EXOC6B: variants seen among roughly 807,000 people sequenced by gnomAD.
EXOC6B encodes the protein exocyst complex component 6B.
In EXOC6B, 54 loss-of-function variants were observed where a neutral mutation model predicts 113.5. The observed-to-expected ratio is 0.48, with a 90% CI of 0.38 to 0.60. The LOEUF is 0.60. Ranked by LOEUF, EXOC6B falls within the 20% of genes least tolerant of loss-of-function variation. The pLI is 0.00. For missense variants in EXOC6B, 797 were observed against 977.5 expected (o/e 0.82, Z 2.46); for synonymous variants, 357 against 339.0 (o/e 1.05, Z -0.58).
At chr2:72,539,685 A>G (rs1054984158) in intron 8 of EXOC6B, among the ~76,000 whole-genome samples, 3 of 152,144 alleles carry the variant, frequency 2.0e-5, no homozygotes, top group Admixed American at 1.3e-4. Flanking sequence ...AAGAGAGTAT[A>G]AAAGAGCTTC....
At chr2:72,636,828 C>CA (rs769641389) in intron 6 of EXOC6B, among the ~76,000 whole-genome samples, 10 of 145,070 alleles carry the variant, frequency 6.9e-5, no homozygotes, top group Non-Finnish European at 1.2e-4. Context: ...GCAATGAGGC[C>CA]AAAAAAAAGA....
At chr2:72,647,999 C>G (rs10197127) in intron 6 of EXOC6B, among the ~76,000 whole-genome samples, 5,207 of 152,244 alleles carry the variant, frequency 0.034, 296 homozygotes, top group African/African-American at 0.12. Context: ...AGGAAACCTA[C>G]AGAATGGGAG....
intron 5 of EXOC6B, chr2:72,722,138 T>C (rs1369421537): frequency 3.3e-5 from 5 of 151,510 alleles, no homozygotes; most frequent in African/African-American, 9.7e-5. Context: ...CACACAAAAG[T>C]AGAGAGCAAA....
chr2:72,485,338 A>T (rs1368379826), intron 16 of EXOC6B, among the ~76,000 whole-genome samples: 1 of 152,254 alleles, frequency 6.6e-6, no homozygotes, highest in East Asian at 1.9e-4. Flanking sequence ...CAAAACAGAC[A>T]ATTCAGTACA....
chr2:72,238,283 A>G (rs531450536), intron 20 of EXOC6B, among the ~76,000 whole-genome samples: 1 of 152,282 alleles, frequency 6.6e-6, no homozygotes, highest in East Asian at 1.9e-4. Flanking sequence ...CATTGTATGA[A>G]TATTTTGTTT....
chr2:72,780,497 G>A (rs1373126851), intron 1 of EXOC6B, among the ~76,000 whole-genome samples: 1 of 152,104 alleles, frequency 6.6e-6, no homozygotes, highest in Non-Finnish European at 1.5e-5. Context: ...TGAAAAACCT[G>A]AAGTATTCTG....
In EXOC6B at chr2:72,189,860, C is replaced by CTTTTTTTTTTTTTTTT. The variant is rs57679690; in HGVS notation, c.2197-5689_2197-5674dup. Among the ~76,000 whole-genome samples the CTTTTTTTTTTTTTTTT allele has an allele frequency of 3.4e-4, 30 of 87,212 alleles. 1 individual carries two copies. The highest frequency in any genetic ancestry group is 1.2e-3 in the African/African-American group (19 of 15,346). The allele number at this position is 87,212 out of a possible 152,430, so 57.2% of individuals were successfully genotyped here. On this transcript the variant is annotated intron_variant, in intron 20 of 21. Transcript: ENST00000272427. ...TCTCTCTCTCTTTCTCCTTCTTCTTCTTTTTTTTTTTTTTTTTTTTGAGGC... is the reference window on the plus strand; with the variant it reads ...TCTCTCTCTCTTTCTCCTTCTTCTTCTTTTTTTTTTTTTTTTTTTTTTTTTTTTTTTTTTTTGAGGC...
intron 20 of EXOC6B, among the ~76,000 whole-genome samples, chr2:72,255,527 T>C (rs1683302374): frequency 6.6e-6 from 1 of 152,234 alleles, no homozygotes; most frequent in South Asian, 2.1e-4. Context: ...TAAATTGCCT[T>C]GCTGGATTCA....
At chr2:72,791,590 T>TA (rs1684676358) in intron 1 of EXOC6B, among the ~76,000 whole-genome samples, 1 of 152,066 alleles carries the variant, frequency 6.6e-6, no homozygotes, top group Non-Finnish European at 1.5e-5. Context: ...ACATGCCAAC[T>TA]AAAAATAACA....
chr2:72,592,920 G>A (rs556019084), intron 6 of EXOC6B, among the ~76,000 whole-genome samples: 1 of 152,132 alleles, frequency 6.6e-6, no homozygotes, highest in African/African-American at 2.4e-5. Flanking sequence ...GGTTACTAGA[G>A]GAATCAACCA....
rs146633358 is a variant in EXOC6B at position 72,338,966 on chromosome 2, C to T, written c.2123-3946G>A. On this transcript the variant is annotated intron_variant, in intron 19 of 21. Coordinates refer to ENST00000272427, the MANE Select transcript of EXOC6B (RefSeq NM_015189.3). ...ACACATACACATACACATACACATA[C>T]ATACACATACACATACACATTATGT... Among the ~76,000 whole-genome samples, 1,224 of 151,238 alleles carry T rather than the reference C, an allele frequency of 8.1e-3. 18 individuals are homozygous for T. The highest frequency in any genetic ancestry group is 0.028 in the African/African-American group (1,168 of 41,280).
Position 72,617,485 on chromosome 2 carries a change from G to C in EXOC6B, c.670-41817C>G, listed in dbSNP as rs974584197. Among the ~76,000 whole-genome samples the C allele has an allele frequency of 5.3e-5, 8 of 151,302 alleles. No individual in the cohort carries two copies. The South Asian group carries it at 6.3e-4, about 12-fold the overall frequency. ...ATTTTCATACTTTCTCTGAAATCTAGGCAGAGGGTCCCCAAAGCTCAAATC... is the reference window on the plus strand; with the variant it reads ...ATTTTCATACTTTCTCTGAAATCTACGCAGAGGGTCCCCAAAGCTCAAATC... On this transcript the variant is annotated intron_variant, in intron 6 of 21. Coordinates refer to ENST00000272427, the MANE Select transcript of EXOC6B (RefSeq NM_015189.3).
chr2:72,565,199 A>C (rs2103743708), intron 7 of EXOC6B, among the ~76,000 whole-genome samples: 1 of 152,002 alleles, frequency 6.6e-6, no homozygotes, highest in Non-Finnish European at 1.5e-5. Flanking sequence ...AAAATTGCAA[A>C]ACTTAGCCAG....
chr2:72,716,889 C>T (rs973800981), intron 6 of EXOC6B, among the ~76,000 whole-genome samples: 9 of 152,252 alleles, frequency 5.9e-5, no homozygotes, highest in African/African-American at 2.2e-4. Flanking sequence ...TCCATAGAGG[C>T]TTTGTACTAC....
intron 20 of EXOC6B, among the ~76,000 whole-genome samples, chr2:72,301,578 G>A (rs1686535751): frequency 6.6e-6 from 1 of 152,040 alleles, no homozygotes; most frequent in South Asian, 2.1e-4. Flanking sequence ...GGTTTGGGAG[G>A]GTGTATGTGT....
chr2:72,373,870 T>A (rs1254289111), intron 19 of EXOC6B, among the ~76,000 whole-genome samples: 1 of 152,120 alleles, frequency 6.6e-6, no homozygotes, highest in Non-Finnish European at 1.5e-5. Flanking sequence ...ACGCCTATAA[T>A]CCCAATACTT....
intron 11 of EXOC6B, among the ~76,000 whole-genome samples, chr2:72,512,367 AGAAGGAAG>A (rs1281809681): frequency 0.049 from 667 of 13,556 alleles, 8 homozygotes; most frequent in Non-Finnish European, 0.064. Context: ...AAGGAAGGAA[AGAAGGAAG>A]GAAGGAAGGA....
chr2:72,608,335 C>T (rs754959090), intron 6 of EXOC6B, among the ~76,000 whole-genome samples: 2 of 152,108 alleles, frequency 1.3e-5, no homozygotes, highest in Non-Finnish European at 2.9e-5. Flanking sequence ...GCAAGATTTC[C>T]AGATACTAAA....
At chr2:72,513,469 CAG>C (rs1356953703) in intron 10 of EXOC6B, among the ~76,000 whole-genome samples, 1 of 151,962 alleles carries the variant, frequency 6.6e-6, no homozygotes, top group Non-Finnish European at 1.5e-5. Context: ...CTAGAGAGAT[CAG>C]AGTTACATTT....
Sources: gnomAD v4.1 joint callset for allele counts (sites outside exome capture counted in the v4.1 genomes callset) on GRCh38, gnomAD v4.1.1 for gene constraint, MANE v1.5 for transcripts, NCBI Gene and HGNC (gene_info 2026-07-23, HGNC 2026-07-21) for gene names.